The following MAGI2 variants were observed in gnomAD, a reference collection of about 807,000 sequenced individuals.
The protein encoded by MAGI2 is membrane-associated guanylate kinase, WW and PDZ domain-containing protein 2.
In MAGI2, 35 loss-of-function variants were observed where a neutral mutation model predicts 133.3. That is an observed-to-expected ratio of 0.26 (90% CI 0.20 to 0.35). The LOEUF (loss-of-function observed/expected upper bound fraction) is 0.35, where lower values mean the gene tolerates loss of function less well. Among genes scored for constraint, MAGI2 ranks in the 10% least tolerant of loss-of-function variants. MAGI2 has a pLI of 1.00. For synonymous variants in MAGI2, 729 were observed against 710.6 expected, an observed-to-expected ratio of 1.03 and a Z score of -0.41; for missense variants, 1,636 against 1,863.4, an observed-to-expected ratio of 0.88 and a Z score of 2.25.
intron 1 of MAGI2, among the ~76,000 whole-genome samples, chr7:79,307,270 C>T (rs1305911835): frequency 1.3e-5 from 2 of 152,152 alleles, no homozygotes; most frequent in African/African-American, 2.4e-5. Context: ...ATCATAGCTA[C>T]ACCTAGTGGG....
chr7:78,134,835 C>T, intron 17 of MAGI2, 186 bp downstream of exon 17: 1 of 572,080 alleles, frequency 1.7e-6, no homozygotes. Flanking sequence ...ACTGAGTAAA[C>T]AAGATATGGA....
At chr7:78,574,057 C>T (rs1372137578) in intron 3 of MAGI2, among the ~76,000 whole-genome samples, 3 of 152,138 alleles carry the variant, frequency 2.0e-5, no homozygotes. Context: ...TAACATTTGG[C>T]TAGATTGAGT....
chr7:78,399,134 AG>A (rs1258523050), intron 6 of MAGI2, among the ~76,000 whole-genome samples: 1 of 152,210 alleles, frequency 6.6e-6, no homozygotes, highest in Non-Finnish European at 1.5e-5. Flanking sequence ...AAAAATCCAC[AG>A]TGCAGAATAT....
chr7:78,635,877 C>A (rs1809580673), intron 2 of MAGI2, among the ~76,000 whole-genome samples: 2 of 152,260 alleles, frequency 1.3e-5, no homozygotes, highest in East Asian at 3.9e-4. Flanking sequence ...CCAGCCTAGG[C>A]CTTGGGTTTT....
At chr7:79,335,258 A>G (rs1840358623) in intron 1 of MAGI2, among the ~76,000 whole-genome samples, 1 of 152,116 alleles carries the variant, frequency 6.6e-6, no homozygotes, top group Admixed American at 6.6e-5. Flanking sequence ...AGCAGAGCAG[A>G]GCGTTTAGGT....
intron 15 of MAGI2, among the ~76,000 whole-genome samples, chr7:78,166,014 T>C (rs1369058253): frequency 1.3e-5 from 2 of 152,200 alleles, no homozygotes; most frequent in Non-Finnish European, 2.9e-5. Context: ...TCTCCTGGTG[T>C]GAACGAGCAA....
chr7:78,998,885 G>A (rs1806577407), intron 2 of MAGI2, among the ~76,000 whole-genome samples: 1 of 152,086 alleles, frequency 6.6e-6, no homozygotes, highest in Admixed American at 6.6e-5. Context: ...GTGCAGTGGT[G>A]TACAGTAAGA....
At chr7:78,252,868 G>C (rs1168700649) in intron 10 of MAGI2, 1 of 150,714 alleles carries the variant, frequency 6.6e-6, no homozygotes, top group Non-Finnish European at 1.5e-5. Flanking sequence ...TTGAACCCAG[G>C]AGGTGGAGGT....
At chr7:78,397,286 A>G (rs1429402858) in intron 6 of MAGI2, among the ~76,000 whole-genome samples, 5 of 152,036 alleles carry the variant, frequency 3.3e-5, no homozygotes, top group Admixed American at 6.6e-5. Context: ...GATTGAGTCT[A>G]TAAAAATACA....
At chr7:79,053,310 T>C (rs1375488030) in intron 1 of MAGI2, among the ~76,000 whole-genome samples, 1 of 152,154 alleles carries the variant, frequency 6.6e-6, no homozygotes, top group Non-Finnish European at 1.5e-5. Flanking sequence ...TGATGTATTG[T>C]GACTCTCAAA....
At chr7:78,736,803 T>C (rs898612839) in intron 2 of MAGI2, among the ~76,000 whole-genome samples, 1 of 152,148 alleles carries the variant, frequency 6.6e-6, no homozygotes, top group South Asian at 2.1e-4. Flanking sequence ...TGTCGAAGTC[T>C]TTTAAGAATG....
intron 1 of MAGI2, among the ~76,000 whole-genome samples, chr7:79,337,680 A>T (rs1229527202): frequency 6.6e-6 from 1 of 152,028 alleles, no homozygotes; most frequent in Non-Finnish European, 1.5e-5. Flanking sequence ...CAATAGTGAG[A>T]ATCTGCTGGA....
intron 9 of MAGI2, among the ~76,000 whole-genome samples, chr7:78,306,543 G>C (rs187113305): frequency 6.6e-6 from 1 of 152,234 alleles, no homozygotes; most frequent in East Asian, 1.9e-4. Context: ...TTAAATAAAA[G>C]ACAAGCTGCC....
At chr7:78,451,528 G>A (rs1788722087) in intron 6 of MAGI2, among the ~76,000 whole-genome samples, 1 of 152,156 alleles carries the variant, frequency 6.6e-6, no homozygotes, top group South Asian at 2.1e-4. Flanking sequence ...GAGACCAGAG[G>A]CTGGTGCCTG....
chr7:78,719,877 G>A (rs139249600), intron 2 of MAGI2, among the ~76,000 whole-genome samples: 1 of 152,130 alleles, frequency 6.6e-6, no homozygotes, highest in South Asian at 2.1e-4. Context: ...AGTTTAAATA[G>A]AGGTGATATG....
chr7:79,032,544 G>C (rs1396837173), intron 1 of MAGI2, among the ~76,000 whole-genome samples: 1 of 150,664 alleles, frequency 6.6e-6, no homozygotes, highest in Non-Finnish European at 1.5e-5. Flanking sequence ...AAGACTGCAG[G>C]GCACATTACC....
chr7:79,185,442 G>A lies in MAGI2; in HGVS notation c.302-178236C>T, dbSNP rs573685955. On this transcript the variant is annotated intron_variant, in intron 1 of 21. Coordinates refer to ENST00000354212, the MANE Select transcript of MAGI2 (RefSeq NM_012301.4). ...ATCATCAACAACAGTTGCCAAATTT[G>A]TTCCATCTATACTGCCACAAGCTCC... Among the ~76,000 whole-genome samples the A allele has an allele frequency of 4.0e-5, 6 of 150,766 alleles. No individual in the cohort carries two copies. In the South Asian group the frequency reaches 1.3e-3, roughly 32 times the overall value.
chr7:79,408,913 A>T (rs1446033955), intron 1 of MAGI2, among the ~76,000 whole-genome samples: 1 of 152,180 alleles, frequency 6.6e-6, no homozygotes, highest in African/African-American at 2.4e-5. Flanking sequence ...TTATCCAGAT[A>T]AAAATGGAAC....
intron 4 of MAGI2, among the ~76,000 whole-genome samples, chr7:78,516,774 G>A (rs1796079212): frequency 6.6e-6 from 1 of 152,192 alleles, no homozygotes; most frequent in African/African-American, 2.4e-5. Flanking sequence ...AGTTAGTAAG[G>A]CAGTGCTCTA....
Sources: allele counts gnomAD v4.1 joint callset (sites outside exome capture counted in the v4.1 genomes callset), GRCh38; gene constraint gnomAD v4.1.1; transcripts MANE v1.5; gene names NCBI Gene and HGNC (gene_info 2026-07-23, HGNC 2026-07-21).